SPDYE10: variants seen among roughly 807,000 people sequenced by gnomAD.
SPDYE10 encodes the protein speedy protein E10.
the SPDYE10 span, among the ~76,000 whole-genome samples, chr7:73,113,689 T>C: frequency 1.3e-5 from 2 of 151,212 alleles, no homozygotes; most frequent in African/African-American, 4.9e-5. Flanking sequence ...AGGTCAGGAG[T>C]TTAAGAGCAG....
chr7:73,113,817 C>T, the SPDYE10 span, among the ~76,000 whole-genome samples: 76 of 152,018 alleles, frequency 5.0e-4, no homozygotes, highest in East Asian at 2.1e-3. Context: ...GGGTGGATCA[C>T]GAGATCAGGA....
At chr7:73,116,654 GCCC>G in the SPDYE10 span, among the ~76,000 whole-genome samples, 4 of 147,294 alleles carry the variant, frequency 2.7e-5, no homozygotes, top group South Asian at 6.5e-4. Context: ...CTCTGATACT[GCCC>G]AGGCTGGTTT....
the SPDYE10 span, among the ~76,000 whole-genome samples, chr7:73,142,748 C>G: frequency 6.6e-6 from 1 of 152,056 alleles, no homozygotes; most frequent in Non-Finnish European, 1.5e-5. Context: ...ACCAGCTTAG[C>G]CAACATGGTG....
chr7:73,128,124 C>T, the SPDYE10 span, among the ~76,000 whole-genome samples: 1 of 152,108 alleles, frequency 6.6e-6, no homozygotes, highest in Non-Finnish European at 1.5e-5. Flanking sequence ...TATGTTGTAG[C>T]AGTTAAAATA....
At chr7:73,141,069 ACC>A in the SPDYE10 span, among the ~76,000 whole-genome samples, 16 of 98,912 alleles carry the variant, frequency 1.6e-4, no homozygotes, top group South Asian at 2.6e-3. Flanking sequence ...CTCCATTTCT[ACC>A]ACACACACAC....
the SPDYE10 span, among the ~76,000 whole-genome samples, chr7:73,131,778 C>T: frequency 5.3e-5 from 8 of 152,024 alleles, no homozygotes; most frequent in East Asian, 1.5e-3. Context: ...CAAGTGATCC[C>T]CCCACCTCAG....
At chr7:73,126,937 A>G in the SPDYE10 span, among the ~76,000 whole-genome samples, 6 of 64,266 alleles carry the variant, frequency 9.3e-5, no homozygotes, top group South Asian at 1.2e-3. Flanking sequence ...TTTTTTTTGG[A>G]GATGGAGTTT....
At chr7:73,135,204 C>T in the SPDYE10 span, among the ~76,000 whole-genome samples, 1 of 151,970 alleles carries the variant, frequency 6.6e-6, no homozygotes, top group African/African-American at 2.4e-5. Flanking sequence ...GCCTCAGTCT[C>T]CCCATCTGTA....
chr7:73,114,450 A>G, the SPDYE10 span, among the ~76,000 whole-genome samples: 11 of 150,118 alleles, frequency 7.3e-5, no homozygotes, highest in Admixed American at 5.5e-4. Flanking sequence ...CTTTGTTTCA[A>G]ATCTCTGCCA....
the SPDYE10 span, among the ~76,000 whole-genome samples, chr7:73,123,693 A>C: frequency 1.3e-5 from 2 of 151,866 alleles, no homozygotes; most frequent in African/African-American, 4.9e-5. Context: ...CCTGACCTCA[A>C]GTGATCTGCC....
At chr7:73,126,423 C>T in the SPDYE10 span, among the ~76,000 whole-genome samples, 2 of 112,502 alleles carry the variant, frequency 1.8e-5, no homozygotes, top group Non-Finnish European at 3.4e-5. Flanking sequence ...AGGAGAATCA[C>T]TTGAACCCGG....
chr7:73,116,944 G>A, the SPDYE10 span, among the ~76,000 whole-genome samples: 11 of 151,800 alleles, frequency 7.2e-5, no homozygotes, highest in Non-Finnish European at 1.5e-4. Flanking sequence ...TGCCCAGGCT[G>A]GAGTGCAGTG....
chr7:73,113,965 G>C, the SPDYE10 span, among the ~76,000 whole-genome samples: 2 of 150,988 alleles, frequency 1.3e-5, no homozygotes, highest in Admixed American at 1.3e-4. Flanking sequence ...GGCGGCACTT[G>C]CAGTGAGCCA....
At chr7:73,130,216 C>A in the SPDYE10 span, among the ~76,000 whole-genome samples, 1 of 150,036 alleles carries the variant, frequency 6.7e-6, no homozygotes, top group East Asian at 1.9e-4. Context: ...AACCAGCTGA[C>A]CCTGAGGTGG....
At chr7:73,128,342 TAC>T in the SPDYE10 span, among the ~76,000 whole-genome samples, 3 of 143,304 alleles carry the variant, frequency 2.1e-5, no homozygotes, top group African/African-American at 5.5e-5. Flanking sequence ...AGTCTTTGTG[TAC>T]AGTTTTGTGA....
chr7:73,128,372 C>T, the SPDYE10 span, among the ~76,000 whole-genome samples: 3 of 143,326 alleles, frequency 2.1e-5, no homozygotes, highest in East Asian at 6.0e-4. Context: ...AGAATGCATA[C>T]CTTTAGGTAG....
At chr7:73,123,766 T>TCTCTCTCTCTCTCTCTCTCCCC in the SPDYE10 span, among the ~76,000 whole-genome samples, 2 of 130,170 alleles carry the variant, frequency 1.5e-5, no homozygotes, top group African/African-American at 3.6e-5. Context: ...CCATTTCCTT[T>TCTCTCTCTCTCTCTCTCTCCCC]CTCTCTCTCT....
the SPDYE10 span, among the ~76,000 whole-genome samples, chr7:73,150,906 AAATAT>A: frequency 1.9e-4 from 2 of 10,762 alleles, no homozygotes; most frequent in Non-Finnish European, 3.4e-4. Flanking sequence ...AAAAAAAAAA[AAATAT>A]ATATATATAT....
the SPDYE10 span, among the ~76,000 whole-genome samples, chr7:73,134,593 G>A: frequency 6.6e-6 from 1 of 151,902 alleles, no homozygotes; most frequent in African/African-American, 2.4e-5. Context: ...CAGGCATAAT[G>A]GCTCATACCT....
Sources: gnomAD v4.1 joint callset for allele counts (sites outside exome capture counted in the v4.1 genomes callset) on GRCh38, gnomAD v4.1.1 for gene constraint, MANE v1.5 for transcripts, NCBI Gene and HGNC (gene_info 2026-07-23, HGNC 2026-07-21) for gene names.